Variants in ATRNL1 observed in about 807,000 individuals in gnomAD.
ATRNL1 encodes attractin-like protein 1.
In ATRNL1, 95 loss-of-function variants were observed where a neutral mutation model predicts 182.7. The ratio of observed to expected loss-of-function variants is 0.52; its 90% confidence interval spans 0.44 to 0.62. The LOEUF (loss-of-function observed/expected upper bound fraction) is 0.62, where lower values mean the gene tolerates loss of function less well. Ranked by LOEUF, ATRNL1 falls within the 20% of genes least tolerant of loss-of-function variation. ATRNL1 has a pLI of 0.00. For missense variants in ATRNL1, 1,471 were observed against 1,679.5 expected (o/e 0.88, Z 2.17); for synonymous variants, 576 against 568.3 (o/e 1.01, Z -0.19).
At chr10:115,646,926 A>C (rs2133870576) in intron 26 of ATRNL1, among the ~76,000 whole-genome samples, 1 of 145,344 alleles carries the variant, frequency 6.9e-6, no homozygotes, top group East Asian at 2.2e-4. Context: ...TATATCTCCT[A>C]ATGCTAGCCC....
intron 21 of ATRNL1, among the ~76,000 whole-genome samples, chr10:115,437,622 G>A (rs532797492): frequency 5.3e-5 from 8 of 151,920 alleles, no homozygotes; most frequent in South Asian, 2.1e-4. Context: ...TTGGACTCTC[G>A]ATATTGTTGT....
intron 26 of ATRNL1, among the ~76,000 whole-genome samples, chr10:115,595,398 T>A (rs1028797625): frequency 1.3e-5 from 2 of 152,220 alleles, no homozygotes; most frequent in Non-Finnish European, 2.9e-5. Context: ...CCATGAGATT[T>A]GTAATATTAT....
At chr10:115,388,972 A>G (rs1378319035) in intron 19 of ATRNL1, among the ~76,000 whole-genome samples, 3 of 152,096 alleles carry the variant, frequency 2.0e-5, no homozygotes, top group South Asian at 4.1e-4. Context: ...GTAATTTTGA[A>G]ATATATATTC....
chr10:115,810,955 G>T (rs1439660230), intron 27 of ATRNL1, among the ~76,000 whole-genome samples: 1 of 151,606 alleles, frequency 6.6e-6, no homozygotes. Context: ...GGGCTTTATG[G>T]ATTTTTTCCT....
intron 26 of ATRNL1, among the ~76,000 whole-genome samples, chr10:115,623,613 A>G (rs1301522589): frequency 6.6e-6 from 1 of 152,174 alleles, no homozygotes; most frequent in African/African-American, 2.4e-5. Flanking sequence ...AATAAAGTAC[A>G]AAGAAGAAAT....
chr10:115,218,196 T>G (rs1849304789), intron 9 of ATRNL1, among the ~76,000 whole-genome samples: 1 of 149,650 alleles, frequency 6.7e-6, no homozygotes, highest in Non-Finnish European at 1.5e-5. Flanking sequence ...ATTCTGGGGG[T>G]GATGGGAGAC....
Position 115,217,909 on chromosome 10 carries a change from C to CT in ATRNL1, c.1532+2035dup, listed in dbSNP as rs567273314. ...TTTGTAGTATTCTTTAAGCTTAGAT[C>CT]TTTTTTAGCATATTTGTCAAGTTTG... On this transcript the variant is annotated intron_variant, in intron 9 of 28. Transcript: ENST00000355044. Among the ~76,000 whole-genome samples the CT allele has an allele frequency of 8.0e-4, 121 of 151,832 alleles. 2 individuals are homozygous for CT. In the South Asian group the frequency reaches 0.024, roughly 30 times the overall value.
At chr10:115,943,519 C>T (rs561854490) in intron 28 of ATRNL1, among the ~76,000 whole-genome samples, 2 of 152,166 alleles carry the variant, frequency 1.3e-5, no homozygotes, top group African/African-American at 4.8e-5. Flanking sequence ...ACACTGACAA[C>T]AACAAATGCT....
intron 17 of ATRNL1, among the ~76,000 whole-genome samples, chr10:115,303,364 A>G (rs1262004297): frequency 1.3e-5 from 2 of 151,768 alleles, no homozygotes; most frequent in African/African-American, 4.8e-5. Context: ...AGCTGGGACT[A>G]CAGGCATGTG....
intron 28 of ATRNL1, among the ~76,000 whole-genome samples, chr10:115,931,252 T>C (rs67778998): frequency 0.17 from 25,949 of 152,080 alleles, 2,277 homozygotes; most frequent in Non-Finnish European, 0.19. Context: ...TAATTTAATT[T>C]AGGATTTCGG....
intron 19 of ATRNL1, among the ~76,000 whole-genome samples, chr10:115,341,340 T>G (rs1478606514): frequency 2.6e-5 from 4 of 152,204 alleles, no homozygotes; most frequent in Non-Finnish European, 5.9e-5. Flanking sequence ...GTTATTAATT[T>G]CTAGTTTTAT....
chr10:115,244,260 G>A (rs1592314050), intron 10 of ATRNL1, among the ~76,000 whole-genome samples: 1 of 152,036 alleles, frequency 6.6e-6, no homozygotes, highest in East Asian at 1.9e-4. Flanking sequence ...TTTTATTGTT[G>A]CAAAATGTAT....
At position 115,443,881 on chromosome 10, in the gene ATRNL1, C is replaced by A. The variant is rs190186237; in HGVS notation, c.3322+17579C>A. The stretch of plus-strand genomic sequence containing the variant: ...GTCTGCATGTCAAAGCTTCTGAATT[C>A]TCTATGCCTCAGAGTATTTATTATT... On this transcript the variant is annotated intron_variant, in intron 21 of 28. Transcript: ENST00000355044. 2.2e-3 allele frequency among the ~76,000 whole-genome samples: 342 copies of A among 152,172 alleles called. 1 individual carries two copies. Among genetic ancestry groups the A allele is most frequent in the South Asian group, 3.9e-3 (19 of 4,828 alleles).
At chr10:115,423,070 T>A (rs142418703) in intron 20 of ATRNL1, among the ~76,000 whole-genome samples, 1 of 152,264 alleles carries the variant, frequency 6.6e-6, no homozygotes, top group African/African-American at 2.4e-5. Flanking sequence ...TATTGTACAT[T>A]TTAAAATAAA....
intron 19 of ATRNL1, among the ~76,000 whole-genome samples, chr10:115,368,753 G>A (rs1473086367): frequency 4.8e-4 from 69 of 145,254 alleles, no homozygotes; most frequent in African/African-American, 1.4e-3. Flanking sequence ...TCGCTCTTCC[G>A]CCCAGGCTGG....
rs1421051269 is a variant in ATRNL1, at chr10:115,397,758, C to A, written c.3269+3006C>A. Among the ~76,000 whole-genome samples, 5 of 152,030 alleles carry A rather than the reference C, an allele frequency of 3.3e-5. No homozygotes were observed. In the East Asian group the frequency reaches 9.7e-4, roughly 29 times the overall value. On this transcript the variant is annotated intron_variant, in intron 20 of 28. Coordinates refer to ENST00000355044, the MANE Select transcript of ATRNL1 (RefSeq NM_207303.4). ...GAAATGAACATGATCATAGCATTTC[C>A]GGTCTTTGCTCAAGAATGTTGAGAG...
In ATRNL1 at chr10:115,768,510, A is replaced by G. The variant is rs142177556; in HGVS notation, c.3903+41155A>G. 6.6e-5 allele frequency among the ~76,000 whole-genome samples: 10 copies of G among 152,242 alleles called. No homozygotes were observed. The East Asian group carries it at 1.9e-3, about 29-fold the overall frequency. On this transcript the variant is annotated intron_variant, in intron 27 of 28. Coordinates refer to ENST00000355044, the MANE Select transcript of ATRNL1 (RefSeq NM_207303.4). ...AACCTAATTACATTTTCATATTTTA[A>G]GGAGCAAATGAGTATTCTATTTTTT... is the stretch of plus-strand genomic sequence containing the variant.
At chr10:115,784,596 A>T (rs138783624) in intron 27 of ATRNL1, among the ~76,000 whole-genome samples, 24 of 152,316 alleles carry the variant, frequency 1.6e-4, no homozygotes, top group Admixed American at 1.4e-3. Flanking sequence ...CAAAATCAAG[A>T]TGTCAACAGG....
In ATRNL1 at chr10:115,747,079, A is replaced by G. The variant is rs572559313; in HGVS notation, c.3903+19724A>G. On this transcript the variant is annotated intron_variant, in intron 27 of 28. Coordinates refer to ENST00000355044, the MANE Select transcript of ATRNL1 (RefSeq NM_207303.4). ...ATAAGGCAGATGAGATTGTGAAAAC[A>G]TGACAGCTTTAATGAGCAATAGTAG... 9.2e-5 allele frequency among the ~76,000 whole-genome samples: 14 copies of G among 152,268 alleles called. 1 individual carries two copies. The highest frequency in any genetic ancestry group is 3.4e-3 in the Middle Eastern group (1 of 294).
Sources: gnomAD v4.1 joint callset for allele counts (sites outside exome capture counted in the v4.1 genomes callset) on GRCh38, gnomAD v4.1.1 for gene constraint, MANE v1.5 for transcripts, NCBI Gene and HGNC (gene_info 2026-07-23, HGNC 2026-07-21) for gene names.